Variants in ITGA8 observed in about 807,000 individuals in gnomAD.
The protein encoded by ITGA8 is integrin alpha-8.
ITGA8 carries 91 observed loss-of-function variants against 142.3 expected under a neutral mutation model. The observed-to-expected ratio is 0.64, with a 90% CI of 0.54 to 0.76. The LOEUF (loss-of-function observed/expected upper bound fraction) is 0.76. Among genes scored for constraint, ITGA8 ranks in the 30% least tolerant of loss-of-function variants. The pLI is 0.00. For missense variants in ITGA8, 1,406 were observed against 1,327.7 expected, an observed-to-expected ratio of 1.06 and a Z score of -0.92; for synonymous variants, 505 against 485.2, an observed-to-expected ratio of 1.04 and a Z score of -0.54.
chr10:15,659,461 G>A (rs1004694512), intron 9 of ITGA8, among the ~76,000 whole-genome samples: 1 of 152,064 alleles, frequency 6.6e-6, no homozygotes, highest in Non-Finnish European at 1.5e-5. Context: ...TATCCACATG[G>A]CAAAAATATT....
intron 5 of ITGA8, 23 bp from the exon 6 acceptor site, chr10:15,677,660 G>A (rs767762854): frequency 5.6e-6 from 9 of 1,605,942 alleles, no homozygotes; most frequent in Non-Finnish European, 7.7e-6. Flanking sequence ...AACAGCAACA[G>A]CAACCATAAT....
At chr10:15,686,136 T>C (rs1834829496) in intron 3 of ITGA8, among the ~76,000 whole-genome samples, 2 of 152,210 alleles carry the variant, frequency 1.3e-5, no homozygotes, top group African/African-American at 4.8e-5. Flanking sequence ...TGAAAAAAGA[T>C]TCCAATTTGA....
intron 2 of ITGA8, among the ~76,000 whole-genome samples, chr10:15,694,703 G>C (rs369591864): frequency 1.2e-4 from 2 of 16,986 alleles, no homozygotes; most frequent in Non-Finnish European, 1.8e-4. Flanking sequence ...ATATATATAT[G>C]TCGACATATG....
At chr10:15,625,085 A>G (rs1430200863) in intron 13 of ITGA8, among the ~76,000 whole-genome samples, 5 of 151,050 alleles carry the variant, frequency 3.3e-5, no homozygotes, top group African/African-American at 9.7e-5. Context: ...AAATGTTTGA[A>G]AAAAAAAAAG....
chr10:15,597,000 G>C (rs1037230939), intron 21 of ITGA8: 6 of 556,286 alleles, frequency 1.1e-5, no homozygotes, highest in Non-Finnish European at 1.9e-5. Flanking sequence ...AAGCATAGAA[G>C]AGCATGCATC....
At chr10:15,556,061 C>A (rs1481749570) in intron 26 of ITGA8, among the ~76,000 whole-genome samples, 6 of 122,732 alleles carry the variant, frequency 4.9e-5, no homozygotes, top group African/African-American at 1.6e-4. Context: ...AAGTCTCACT[C>A]TGTCTCCCAG....
intron 2 of ITGA8, among the ~76,000 whole-genome samples, chr10:15,708,050 G>A (rs1253864586): frequency 2.0e-5 from 3 of 151,180 alleles, no homozygotes; most frequent in African/African-American, 7.3e-5. Context: ...GTCGCTGGCT[G>A]TTCCTATGAA....
rs888490886 is a variant in ITGA8, at chr10:15,540,223, G to A, written c.2880+8232C>T. Among the ~76,000 whole-genome samples, 4 of 152,134 alleles carry A rather than the reference G, an allele frequency of 2.6e-5. No individual in the cohort carries two copies. In the East Asian group the frequency reaches 7.7e-4, roughly 29 times the overall value. On this transcript the variant is annotated intron_variant, in intron 27 of 29. Transcript: ENST00000378076. ...ACTATAATCTCCCCACTGTACTACTGACTATCAGAACTTATTCCTTCTGAC... is the reference window on the plus strand; with the variant it reads ...ACTATAATCTCCCCACTGTACTACTAACTATCAGAACTTATTCCTTCTGAC...
At chr10:15,691,123 A>C (rs990338250) in intron 2 of ITGA8, among the ~76,000 whole-genome samples, 6 of 152,344 alleles carry the variant, frequency 3.9e-5, no homozygotes, top group African/African-American at 1.4e-4. Flanking sequence ...AGGGATATGC[A>C]AATTAAACCT....
chr10:15,565,086 A>G (rs986023943), intron 25 of ITGA8, among the ~76,000 whole-genome samples: 4 of 152,212 alleles, frequency 2.6e-5, no homozygotes, highest in Non-Finnish European at 4.4e-5. Flanking sequence ...AAACCTGAAG[A>G]CCATCTCAAA....
intron 2 of ITGA8, among the ~76,000 whole-genome samples, chr10:15,704,847 A>G (rs1835228556): frequency 6.6e-6 from 1 of 152,156 alleles, no homozygotes; most frequent in Non-Finnish European, 1.5e-5. Flanking sequence ...GGCTGTATAA[A>G]TTTGCCTCCC....
chr10:15,659,355 T>C (rs1346045831), intron 9 of ITGA8, among the ~76,000 whole-genome samples: 1 of 152,230 alleles, frequency 6.6e-6, no homozygotes, highest in Non-Finnish European at 1.5e-5. Context: ...GATTAGTTGA[T>C]TTAGTCAGGA....
chr10:15,521,911 G>A (rs61842995), intron 28 of ITGA8, among the ~76,000 whole-genome samples: 6,447 of 152,252 alleles, frequency 0.042, 171 homozygotes, highest in Non-Finnish European at 0.062. Context: ...TGGATCTCAT[G>A]GAGGTAGAGG....
chr10:15,561,252 T>C (rs1833975989), intron 25 of ITGA8, among the ~76,000 whole-genome samples: 1 of 144,742 alleles, frequency 6.9e-6, no homozygotes, highest in Non-Finnish European at 1.5e-5. Flanking sequence ...TATATATATA[T>C]ATGTATGTAA....
At chr10:15,521,493 A>G (rs1382210868) in intron 28 of ITGA8, among the ~76,000 whole-genome samples, 1 of 152,196 alleles carries the variant, frequency 6.6e-6, no homozygotes, top group Admixed American at 6.5e-5. Flanking sequence ...ACACTAATAA[A>G]GGCATGGACA....
At chr10:15,653,834 T>G (rs1311984938) in intron 11 of ITGA8, among the ~76,000 whole-genome samples, 7 of 148,244 alleles carry the variant, frequency 4.7e-5, no homozygotes, top group Non-Finnish European at 9.0e-5. Flanking sequence ...CTTTTTTCTT[T>G]TTTTTTTTTT....
At chr10:15,717,142 T>C (rs1034603724) in intron 2 of ITGA8, among the ~76,000 whole-genome samples, 2 of 152,110 alleles carry the variant, frequency 1.3e-5, no homozygotes, top group Non-Finnish European at 2.9e-5. Flanking sequence ...TCTTCCTTTA[T>C]CAAAAGAAAA....
intron 26 of ITGA8, among the ~76,000 whole-genome samples, chr10:15,553,486 C>T (rs926524339): frequency 6.6e-6 from 1 of 152,134 alleles, no homozygotes; most frequent in Non-Finnish European, 1.5e-5. Flanking sequence ...GTTTAAGGCA[C>T]ACCTTTTAAA....
intron 2 of ITGA8, among the ~76,000 whole-genome samples, chr10:15,694,510 ATATAT>A (rs1044542905): frequency 1.2e-4 from 16 of 137,710 alleles, no homozygotes; most frequent in African/African-American, 3.2e-4. Flanking sequence ...AATGTATCTA[ATATAT>A]TATAGATTTA....
Sources: gnomAD v4.1 joint callset for allele counts (sites outside exome capture counted in the v4.1 genomes callset) on GRCh38, gnomAD v4.1.1 for gene constraint, MANE v1.5 for transcripts, NCBI Gene and HGNC (gene_info 2026-07-23, HGNC 2026-07-21) for gene names.